Variants in CCNYL1 observed in about 807,000 individuals in gnomAD.
The protein encoded by CCNYL1 is cyclin Y like 1.
CCNYL1 carries 16 observed loss-of-function variants against 44.2 expected under a neutral mutation model. That is an observed-to-expected ratio of 0.36 (90% CI 0.25 to 0.55). The LOEUF (loss-of-function observed/expected upper bound fraction) is 0.55. Among genes scored for constraint, CCNYL1 ranks in the 20% least tolerant of loss-of-function variants. The pLI is 0.85. For synonymous variants in CCNYL1, 159 were observed against 163.2 expected, an observed-to-expected ratio of 0.97 and a Z score of 0.20; for missense variants, 348 against 451.8, an observed-to-expected ratio of 0.77 and a Z score of 2.08.
At chr2:207,718,205 A>C (rs2091612140) in intron 1 of CCNYL1, among the ~76,000 whole-genome samples, 1 of 152,142 alleles carries the variant, frequency 6.6e-6, no homozygotes, top group African/African-American at 2.4e-5. Context: ...TGCCCGGCCA[A>C]TATTTTTAAT....
At chr2:207,719,226 A>C (rs1363192685) in intron 1 of CCNYL1, among the ~76,000 whole-genome samples, 1 of 151,846 alleles carries the variant, frequency 6.6e-6, no homozygotes, top group Non-Finnish European at 1.5e-5. Flanking sequence ...ATAAATGCTA[A>C]CTGTTCACTT....
At position 207,711,982 on chromosome 2, in the gene CCNYL1, C is replaced by G; in HGVS notation, c.86C>G (p.Ala29Gly). The G allele has an allele frequency of 6.9e-7, 1 of 1,453,496 alleles. No homozygotes were observed. Among genetic ancestry groups the G allele is most frequent in the Non-Finnish European group, 9.1e-7 (1 of 1,100,686 alleles). 90.0% of individuals were successfully genotyped at this position (1,453,496 alleles called of 1,614,324 possible). A position where few individuals can be genotyped will look rare whatever the true frequency, so the allele number is the denominator to read the frequency against. The change falls in exon 1 of 10, where the codon GCG (alanine) becomes GGG (glycine). Residue 29 changes from alanine to glycine, a missense_variant. Physicochemically the swap from Ala to Gly is moderately conservative, Grantham distance 60 (BLOSUM62 0). Coordinates refer to ENST00000295414, the MANE Select transcript of CCNYL1 (RefSeq NM_001330218.2). ...RRAGSAELYCASDIYEAVSGD... is the reference protein window; with the variant it reads ...RRAGSAELYCGSDIYEAVSGD... ...GCGGGGTCGGCGGAGCTGTACTGCG[C>G]GTCCGACATCTACGAGGCGGTGTCC...
At chr2:207,729,466 C>T (rs2091708236) in intron 3 of CCNYL1, among the ~76,000 whole-genome samples, 1 of 151,994 alleles carries the variant, frequency 6.6e-6, no homozygotes. Context: ...TATTGTTTTG[C>T]TCTCTCTTGT....
At chr2:207,731,255 T>G (rs2091723926) in intron 3 of CCNYL1, among the ~76,000 whole-genome samples, 1 of 152,026 alleles carries the variant, frequency 6.6e-6, no homozygotes, top group Non-Finnish European at 1.5e-5. Flanking sequence ...GTAGGCACAA[T>G]GGGAAAAGTC....
At chr2:207,747,362 C>G (rs2091861526) in intron 8 of CCNYL1, 149 bp downstream of exon 8, 2 of 553,588 alleles carry the variant, frequency 3.6e-6, no homozygotes, top group African/African-American at 1.9e-5. Flanking sequence ...TTTAGTATAA[C>G]AGTTCACAAT....
intron 1 of CCNYL1, among the ~76,000 whole-genome samples, chr2:207,721,063 T>TA (rs1378362579): frequency 6.6e-6 from 1 of 152,132 alleles, no homozygotes; most frequent in Non-Finnish European, 1.5e-5. Context: ...TGAACTTAGA[T>TA]AAAATCTCAG....
chr2:207,735,218 T>A (rs2091755874), intron 4 of CCNYL1, among the ~76,000 whole-genome samples: 1 of 152,258 alleles, frequency 6.6e-6, no homozygotes, highest in Non-Finnish European at 1.5e-5. Context: ...AATGATCATT[T>A]GGTATATTTC....
At chr2:207,726,771 G>T in intron 2 of CCNYL1, 71 bp from the exon 3 acceptor site, 3 of 962,872 alleles carry the variant, frequency 3.1e-6, no homozygotes, top group Non-Finnish European at 4.8e-6. Context: ...TTGTTAATCA[G>T]ATGATTAGCA....
intron 2 of CCNYL1, among the ~76,000 whole-genome samples, chr2:207,726,157 A>C (rs2105824153): frequency 6.6e-6 from 1 of 152,354 alleles, no homozygotes; most frequent in South Asian, 2.1e-4. Flanking sequence ...ATACTTGTCT[A>C]GCATCAAAGG....
At chr2:207,730,103 C>A (rs1029777318) in intron 3 of CCNYL1, among the ~76,000 whole-genome samples, 21 of 152,136 alleles carry the variant, frequency 1.4e-4, no homozygotes, top group African/African-American at 4.8e-4. Flanking sequence ...GCTCATTTTC[C>A]AGAAGCAGAG....
intron 3 of CCNYL1, among the ~76,000 whole-genome samples, chr2:207,729,044 G>A (rs546171668): frequency 3.3e-5 from 5 of 152,142 alleles, no homozygotes; most frequent in South Asian, 4.2e-4. Flanking sequence ...TGATCTGCCC[G>A]CCTCGGCGTC....
At chr2:207,726,958 GACCCA>G (rs1302437789) in intron 3 of CCNYL1, 82 bp downstream of exon 3, 1 of 933,008 alleles carries the variant, frequency 1.1e-6, no homozygotes, top group African/African-American at 1.7e-5. Context: ...ATATAATGGG[GACCCA>G]ATACTGTTAG....
At chr2:207,721,482 A>G (rs2091639522) in intron 1 of CCNYL1, among the ~76,000 whole-genome samples, 1 of 152,236 alleles carries the variant, frequency 6.6e-6, no homozygotes, top group African/African-American at 2.4e-5. Context: ...GATAGATTCA[A>G]GGAGAAGCAG....
intron 1 of CCNYL1, among the ~76,000 whole-genome samples, chr2:207,716,542 T>G (rs1308022670): frequency 6.6e-6 from 1 of 152,028 alleles, no homozygotes; most frequent in Non-Finnish European, 1.5e-5. Flanking sequence ...ATCCAGAGAG[T>G]GCTCCAAGAT....
chr2:207,732,530 G>T (rs1380298173), intron 3 of CCNYL1, among the ~76,000 whole-genome samples: 3 of 152,094 alleles, frequency 2.0e-5, no homozygotes, highest in Non-Finnish European at 4.4e-5. Context: ...ATACTGATGG[G>T]AGAGTGTGAC....
At chr2:207,741,464 T>G (rs1332084027) in intron 6 of CCNYL1, among the ~76,000 whole-genome samples, 1 of 152,142 alleles carries the variant, frequency 6.6e-6, no homozygotes, top group East Asian at 1.9e-4. Context: ...ATCCAATTGT[T>G]TATATTTTAA....
At chr2:207,725,835 A>C (rs1010670706) in intron 2 of CCNYL1, among the ~76,000 whole-genome samples, 2 of 152,220 alleles carry the variant, frequency 1.3e-5, no homozygotes, top group Non-Finnish European at 2.9e-5. Flanking sequence ...TAATTATGTT[A>C]AATCCTAATT....
chr2:207,738,706 C>T (rs1419242230), intron 5 of CCNYL1, among the ~76,000 whole-genome samples: 2 of 131,328 alleles, frequency 1.5e-5, no homozygotes, highest in Non-Finnish European at 3.1e-5. Flanking sequence ...TATTGGTTCA[C>T]ATCTCTTCTT....
At chr2:207,750,455 T>G (rs1352506029) in intron 8 of CCNYL1, among the ~76,000 whole-genome samples, 1 of 152,148 alleles carries the variant, frequency 6.6e-6, no homozygotes, top group Non-Finnish European at 1.5e-5. Context: ...TTTTTCCCCC[T>G]CAGAGATAAT....
Sources: gnomAD v4.1 joint callset for allele counts (sites outside exome capture counted in the v4.1 genomes callset) on GRCh38, gnomAD v4.1.1 for gene constraint, MANE v1.5 for transcripts, NCBI Gene and HGNC (gene_info 2026-07-23, HGNC 2026-07-21) for gene names.